The following DRD2 variants were observed in gnomAD, a reference collection of about 807,000 sequenced individuals.
DRD2 encodes dopamine receptor D2.
A neutral mutation model predicts 38.0 loss-of-function variants in DRD2; 8 were observed. That is an observed-to-expected ratio of 0.21 (90% CI 0.12 to 0.38). DRD2 has a LOEUF of 0.38. Ranked by LOEUF, DRD2 falls within the 10% of genes least tolerant of loss-of-function variation. The pLI is 1.00. For synonymous variants in DRD2, 230 were observed against 238.6 expected (o/e 0.96, Z 0.33); for missense variants, 403 against 607.7 (o/e 0.66, Z 3.54).
chr11:113,471,233 A>C (rs1304428761), intron 1 of DRD2, among the ~76,000 whole-genome samples: 1 of 152,228 alleles, frequency 6.6e-6, no homozygotes, highest in Non-Finnish European at 1.5e-5. Context: ...TTAAGTACAG[A>C]GGAAAGAAAT....
At chr11:113,444,280 GC>G (rs1181737585) in intron 1 of DRD2, among the ~76,000 whole-genome samples, 1 of 152,134 alleles carries the variant, frequency 6.6e-6, no homozygotes, top group Admixed American at 6.5e-5. Context: ...CCAGTGATCT[GC>G]GTGCCTCAGC....
Position 113,418,068 on chromosome 11 carries a change from G to A in DRD2, c.354C>T (p.Cys118=), listed in dbSNP as rs748803426. Residue 118 remains cysteine, a synonymous_variant, in exon 3 of 8, where the codon TGC becomes TGT. Transcript: ENST00000362072. The part of the protein sequence containing the change: ...DIFVTLDVMM[C]TASILNLCAI... Reference sequence around the variant, plus strand: ...CACACAAGTTCAGGATGCTCGCCGTGCACATCATGACGTCCAGAGTGACGA... The same window carrying A: ...CACACAAGTTCAGGATGCTCGCCGTACACATCATGACGTCCAGAGTGACGA... 1.9e-6 allele frequency: 3 copies of A among 1,614,172 alleles called. No individual in the cohort carries two copies. The highest frequency in any genetic ancestry group is 4.5e-5 in the East Asian group (2 of 44,886).
intron 1 of DRD2, among the ~76,000 whole-genome samples, chr11:113,434,491 T>A (rs1024593900): frequency 6.6e-6 from 1 of 152,188 alleles, no homozygotes; most frequent in Non-Finnish European, 1.5e-5. Context: ...GTAGCTGGGG[T>A]TGGGTGCCCA....
chr11:113,412,638 C>T lies in DRD2; in HGVS notation c.1056G>A (p.Arg352=). Residue 352 remains arginine, a synonymous_variant, in exon 7 of 8, where the codon CGG becomes CGA. Transcript: ENST00000362072. ...EIQTMPNGKT[R]TSLKTMSRRK... is the part of the protein sequence containing the mutation. ...TACGGCTCATGGTCTTGAGGGAGGT[C>T]CGGGTTTTGCCATTGGGCATGGTCT... The T allele has an allele frequency of 6.2e-7, 1 of 1,614,072 alleles. No individual in the cohort carries two copies. The highest frequency in any genetic ancestry group is 8.5e-7 in the Non-Finnish European group (1 of 1,180,038).
intron 1 of DRD2, among the ~76,000 whole-genome samples, chr11:113,436,985 G>A (rs906213208): frequency 6.6e-6 from 1 of 152,098 alleles, no homozygotes; most frequent in Non-Finnish European, 1.5e-5. Context: ...CCTTTCTATG[G>A]CCTGGGATCC....
rs142453320 is a variant in DRD2, at chr11:113,465,111, AT to A, written c.-32+9964del. ...GTTCCCCCACATAGCAGCCTCTGTGATTTTTTTTTTTTTTGAGACAGTCTCA... is the reference window on the plus strand; with the variant it reads ...GTTCCCCCACATAGCAGCCTCTGTGATTTTTTTTTTTTTGAGACAGTCTCA... On this transcript the variant is annotated intron_variant, in intron 1 of 7. Transcript: ENST00000362072. Among the ~76,000 whole-genome samples, 744 of 145,506 alleles carry A rather than the reference AT, an allele frequency of 5.1e-3. 4 individuals are homozygous for A. The highest frequency in any genetic ancestry group is 0.018 in the South Asian group (84 of 4,556).
intron 1 of DRD2, among the ~76,000 whole-genome samples, chr11:113,457,013 T>C (rs748007171): frequency 2.8e-4 from 43 of 152,060 alleles, no homozygotes; most frequent in Non-Finnish European, 6.2e-4. Context: ...ACCGTGGGCC[T>C]CCATGTGCAG....
At chr11:113,426,913 T>C (rs1226544001) in intron 1 of DRD2, among the ~76,000 whole-genome samples, 1 of 152,234 alleles carries the variant, frequency 6.6e-6, no homozygotes, top group African/African-American at 2.4e-5. Context: ...CTGGGGCTGC[T>C]TCTGACATTC....
At position 113,417,017 on chromosome 11, in the gene DRD2, C is replaced by G; in HGVS notation, c.396-18G>C. On this transcript the variant is annotated intron_variant, in intron 3 of 7. Coordinates refer to ENST00000362072, the MANE Select transcript of DRD2 (RefSeq NM_000795.4). ...CTGTGTACCTGCAAGGGCGGGGGAC[C>G]CTGAATCTGGGGTGCAGGCCCAGGG... 3.7e-6 allele frequency: 6 copies of G among 1,612,742 alleles called. No homozygotes were observed. In the South Asian group the frequency reaches 5.5e-5, roughly 15 times the overall value.
intron 1 of DRD2, among the ~76,000 whole-genome samples, chr11:113,452,000 G>A (rs1183802621): frequency 2.6e-5 from 4 of 152,096 alleles, no homozygotes; most frequent in Non-Finnish European, 5.9e-5. Context: ...CCCCTCCTCT[G>A]GCCCCCTCCA....
intron 2 of DRD2, among the ~76,000 whole-genome samples, chr11:113,423,491 G>C (rs890954578): frequency 2.6e-5 from 4 of 152,148 alleles, no homozygotes; most frequent in Non-Finnish European, 5.9e-5. Context: ...GGCCAGGCTG[G>C]TCTTGAACTC....
chr11:113,435,600 T>C (rs1051857172), intron 1 of DRD2, among the ~76,000 whole-genome samples: 28 of 152,010 alleles, frequency 1.8e-4, no homozygotes, highest in African/African-American at 6.8e-4. Context: ...AAATTCAGAA[T>C]GGAGCCCACA....
At chr11:113,444,329 C>G (rs1951121429) in intron 1 of DRD2, among the ~76,000 whole-genome samples, 1 of 152,138 alleles carries the variant, frequency 6.6e-6, no homozygotes, top group Non-Finnish European at 1.5e-5. Flanking sequence ...GAGCCACACC[C>G]AGCTGGTGTA....
chr11:113,416,769 A>T, intron 4 of DRD2, 94 bp downstream of exon 4: 1 of 1,542,760 alleles, frequency 6.5e-7, no homozygotes, highest in Admixed American at 1.9e-5. Flanking sequence ...GCCTCCACCC[A>T]TATCTGTGCC....
chr11:113,439,862 A>C (rs1951072478), intron 1 of DRD2, among the ~76,000 whole-genome samples: 1 of 148,484 alleles, frequency 6.7e-6, no homozygotes, highest in Non-Finnish European at 1.5e-5. Flanking sequence ...AAAAAAAAAA[A>C]AAAAAAAAAA....
intron 1 of DRD2, among the ~76,000 whole-genome samples, chr11:113,454,749 C>T (rs1951252259): frequency 6.6e-6 from 1 of 152,144 alleles, no homozygotes; most frequent in Non-Finnish European, 1.5e-5. Context: ...AACGTGGTAT[C>T]CACATACAAT....
At chr11:113,464,855 C>T (rs1326849938) in intron 1 of DRD2, among the ~76,000 whole-genome samples, 1 of 152,206 alleles carries the variant, frequency 6.6e-6, no homozygotes, top group South Asian at 2.1e-4. Flanking sequence ...TTACCGATAT[C>T]CTTAATTCCC....
At chr11:113,452,722 A>G (rs566205838) in intron 1 of DRD2, among the ~76,000 whole-genome samples, 276 of 147,978 alleles carry the variant, frequency 1.9e-3, no homozygotes, top group Non-Finnish European at 3.5e-3. Flanking sequence ...ATCTCAGCTC[A>G]CTGCTACCTC....
At chr11:113,421,740 G>A (rs182115589) in intron 2 of DRD2, among the ~76,000 whole-genome samples, 3 of 152,320 alleles carry the variant, frequency 2.0e-5, no homozygotes, top group East Asian at 1.9e-4. Flanking sequence ...GGGACAGTGC[G>A]TGGTTGTGAG....
Sources: gnomAD v4.1 joint callset for allele counts (sites outside exome capture counted in the v4.1 genomes callset) on GRCh38, gnomAD v4.1.1 for gene constraint, MANE v1.5 for transcripts, NCBI Gene and HGNC (gene_info 2026-07-23, HGNC 2026-07-21) for gene names.